C20orf203: variants seen among roughly 807,000 people sequenced by gnomAD.
C20orf203 encodes the protein uncharacterized protein C20orf203.
Under a neutral mutation model 15.9 loss-of-function variants are expected in C20orf203, and 16 were observed. The observed-to-expected ratio is 1.01, with a 90% confidence interval of 0.68 to 1.53. C20orf203 has a LOEUF of 1.53. C20orf203 is among the 40% of genes most tolerant of loss of function. The pLI, the probability that C20orf203 is intolerant of heterozygous loss-of-function variation, is 0.00. For missense variants in C20orf203, 263 were observed against 247.5 expected (o/e 1.06, Z -0.42); for synonymous variants, 98 against 97.2 (o/e 1.01, Z -0.05).
At chr20:32,665,659 G>A (rs572117364) in intron 1 of C20orf203, among the ~76,000 whole-genome samples, 1 of 152,142 alleles carries the variant, frequency 6.6e-6, no homozygotes, top group Non-Finnish European at 1.5e-5. Flanking sequence ...ATTTTTCCAG[G>A]AGCCACGACA....
At chr20:32,660,179 C>A (rs946943005) in intron 1 of C20orf203, among the ~76,000 whole-genome samples, 4 of 152,158 alleles carry the variant, frequency 2.6e-5, no homozygotes, top group Non-Finnish European at 5.9e-5. Flanking sequence ...TGAGGCTGTG[C>A]GGTAAGCACC....
At chr20:32,637,277 G>A (rs1281564849) in intron 5 of C20orf203, among the ~76,000 whole-genome samples, 2 of 152,176 alleles carry the variant, frequency 1.3e-5, no homozygotes, top group African/African-American at 4.8e-5. Flanking sequence ...GCTGGGCGTG[G>A]TGGCAGGCGC....
In C20orf203 at chr20:32,634,019, A is replaced by G. The variant is rs1238434621; in HGVS notation, c.*1551T>C. On this transcript the variant is annotated 3_prime_UTR_variant, in exon 6 of 6. Transcript: ENST00000608990. ...CTCTTCACTCCTTTCCTCAACAAAC[A>G]TTGACTGAAATTGAAATGAGCCAGT... 1 of 398,432 alleles carries G rather than the reference A, an allele frequency of 2.5e-6. No individual in the cohort carries two copies. Among genetic ancestry groups the G allele is most frequent in the Non-Finnish European group, 4.4e-6 (1 of 226,068 alleles). 24.7% of individuals were successfully genotyped at this position (398,432 alleles called of 1,614,324 possible).
chr20:32,635,397 G>C (rs921312267), intron 5 of C20orf203, among the ~76,000 whole-genome samples: 1 of 152,174 alleles, frequency 6.6e-6, no homozygotes, highest in Non-Finnish European at 1.5e-5. Flanking sequence ...TACTCGGGAG[G>C]CTGAGGCAGA....
chr20:32,637,344 A>T (rs1344169087), intron 5 of C20orf203, among the ~76,000 whole-genome samples: 1 of 152,130 alleles, frequency 6.6e-6, no homozygotes, highest in East Asian at 1.9e-4. Context: ...ACCCAGGAAG[A>T]GGAGGTTGCA....
At chr20:32,658,954 C>T (rs188295277) in intron 1 of C20orf203, among the ~76,000 whole-genome samples, 2 of 152,158 alleles carry the variant, frequency 1.3e-5, no homozygotes, top group Non-Finnish European at 1.5e-5. Context: ...CGGCTCACCA[C>T]AACCTTCGCC....
chr20:32,661,910 C>T (rs566703156), intron 1 of C20orf203, among the ~76,000 whole-genome samples: 56 of 152,318 alleles, frequency 3.7e-4, no homozygotes, highest in African/African-American at 1.3e-3. Context: ...CTAGCTCACT[C>T]CATCCTAGCC....
intron 5 of C20orf203, among the ~76,000 whole-genome samples, chr20:32,636,372 G>T (rs1982138480): frequency 6.6e-6 from 1 of 152,190 alleles, no homozygotes; most frequent in Non-Finnish European, 1.5e-5. Flanking sequence ...GCCAGGGCTG[G>T]GGATTTGGAA....
At chr20:32,661,263 T>G (rs1982885175) in intron 1 of C20orf203, among the ~76,000 whole-genome samples, 1 of 152,150 alleles carries the variant, frequency 6.6e-6, no homozygotes, top group Non-Finnish European at 1.5e-5. Context: ...CATTGAGGGC[T>G]CAGAGGTGAA....
intron 4 of C20orf203, among the ~76,000 whole-genome samples, chr20:32,643,246 C>G (rs1042306861): frequency 1.2e-4 from 19 of 152,144 alleles, no homozygotes; most frequent in African/African-American, 3.6e-4. Flanking sequence ...CAGCTGTGAA[C>G]CTTGGGCAGG....
At chr20:32,637,461 C>T (rs935291680) in intron 5 of C20orf203, among the ~76,000 whole-genome samples, 4 of 152,130 alleles carry the variant, frequency 2.6e-5, no homozygotes, top group East Asian at 1.9e-4. Context: ...GAGTAGACAA[C>T]GAAACAGTAA....
chr20:32,664,058 C>G (rs1023736129), intron 1 of C20orf203, among the ~76,000 whole-genome samples: 1 of 152,186 alleles, frequency 6.6e-6, no homozygotes, highest in Non-Finnish European at 1.5e-5. Context: ...GGAGAGCTGG[C>G]CTTTGTCACC....
Position 32,650,865 on chromosome 20 carries a change from G to C in C20orf203, c.152C>G (p.Ala51Gly), listed in dbSNP as rs2145671870. 2 of 1,456,322 alleles carry C rather than the reference G, an allele frequency of 1.4e-6. No homozygotes were observed. Among genetic ancestry groups the C allele is most frequent in the East Asian group, 5.0e-5 (2 of 40,036 alleles). 90.2% of individuals were successfully genotyped at this position (1,456,322 alleles called of 1,614,324 possible). Residue 51 changes from alanine to glycine, a missense_variant, in exon 4 of 6, where the codon GCT becomes GGT. Ala to Gly is a moderately conservative substitution (Grantham distance 60). Transcript: ENST00000608990. ...GTCCCAGAGGTGGGCAGTGAGTCCAGCCAAGACTGATGTGGCCTGTTGGGA... is the reference window on the plus strand; with the variant it reads ...GTCCCAGAGGTGGGCAGTGAGTCCACCCAAGACTGATGTGGCCTGTTGGGA... ...GMLSRATSVL[A>G]GLTAHLWDLG...
intron 5 of C20orf203, among the ~76,000 whole-genome samples, chr20:32,635,860 T>C (rs1982124196): frequency 6.6e-6 from 1 of 152,160 alleles, no homozygotes; most frequent in Non-Finnish European, 1.5e-5. Flanking sequence ...AGGCCACAAC[T>C]TCTCTTTCCA....
At chr20:32,636,038 G>A (rs1254652641) in intron 5 of C20orf203, among the ~76,000 whole-genome samples, 2 of 152,064 alleles carry the variant, frequency 1.3e-5, no homozygotes, top group Non-Finnish European at 2.9e-5. Context: ...AGTTCCCCCA[G>A]CCCCCAGGCC....
At chr20:32,659,237 C>T (rs1982834098) in intron 1 of C20orf203, among the ~76,000 whole-genome samples, 1 of 151,444 alleles carries the variant, frequency 6.6e-6, no homozygotes, top group Non-Finnish European at 1.5e-5. Flanking sequence ...CCCCTTGCCC[C>T]ACACTCCAAA....
chr20:32,666,155 T>TAAAAAAAAAAAAAAAAAAAAATA (rs1983016576), intron 1 of C20orf203, among the ~76,000 whole-genome samples: 1 of 102,776 alleles, frequency 9.7e-6, no homozygotes, highest in Non-Finnish European at 1.9e-5. Flanking sequence ...ATAAATAAAG[T>TAAAAAAAAAAAAAAAAAAAAATA]AAAAAAAAAA....
chr20:32,645,394 AG>A (rs1430987185), intron 4 of C20orf203, among the ~76,000 whole-genome samples: 1 of 152,008 alleles, frequency 6.6e-6, no homozygotes, highest in Non-Finnish European at 1.5e-5. Context: ...GGGTGTATGG[AG>A]GGGAGGGGGG....
In C20orf203 at chr20:32,650,491, C is replaced by T; in HGVS notation, c.526G>A (p.Ala176Thr). Residue 176 changes from alanine (A) to threonine (T), a missense_variant, in exon 4 of 6, where the codon GCA becomes ACA. Ala to Thr is a moderately conservative substitution (Grantham distance 58, BLOSUM62 0). Coordinates refer to ENST00000608990, the MANE Select transcript of C20orf203 (RefSeq NM_182584.4). ...AACTGCTGCTTGCTAATTAAAGGTG[C>T]AGGCAACTTGCCTGGCAAGGATGGG... ...CLPSLPGKLP[A>T]PLISKQQFLS... The T allele has an allele frequency of 6.4e-7, 1 of 1,550,616 alleles. No individual in the cohort carries two copies. The highest frequency in any genetic ancestry group is 8.7e-7 in the Non-Finnish European group (1 of 1,146,990).
Sources: allele counts gnomAD v4.1 joint callset (sites outside exome capture counted in the v4.1 genomes callset), GRCh38; gene constraint gnomAD v4.1.1; transcripts MANE v1.5; gene names NCBI Gene and HGNC (gene_info 2026-07-23, HGNC 2026-07-21).